LMAN1: variants seen among roughly 807,000 people sequenced by gnomAD.
LMAN1 encodes protein ERGIC-53.
A neutral mutation model predicts 67.8 loss-of-function variants in LMAN1; 32 were observed. The ratio of observed to expected loss-of-function variants is 0.47; its 90% CI spans 0.36 to 0.63. The LOEUF (loss-of-function observed/expected upper bound fraction) is 0.63, where lower values mean the gene tolerates loss of function less well. Ranked by LOEUF, LMAN1 falls within the 30% of genes least tolerant of loss-of-function variation. The pLI is 0.00. For synonymous variants in LMAN1, 235 were observed against 219.3 expected, an observed-to-expected ratio of 1.07 and a Z score of -0.63; for missense variants, 632 against 628.2, an observed-to-expected ratio of 1.01 and a Z score of -0.06.
At chr18:59,347,659 T>C (rs997541986) in intron 6 of LMAN1, 88 bp from the exon 7 acceptor site, 12 of 960,292 alleles carry the variant, frequency 1.2e-5, no homozygotes, top group Admixed American at 9.6e-5. Flanking sequence ...ATTTATTGTT[T>C]TAAATAACAA....
At chr18:59,334,009 GTTGA>G (rs1382970398) in intron 10 of LMAN1, among the ~76,000 whole-genome samples, 1 of 152,176 alleles carries the variant, frequency 6.6e-6, no homozygotes, top group Non-Finnish European at 1.5e-5. Flanking sequence ...AATGTCACGT[GTTGA>G]TTAAAATTTC....
chr18:59,343,735 G>C (rs1908339008), intron 8 of LMAN1, among the ~76,000 whole-genome samples: 1 of 151,954 alleles, frequency 6.6e-6, no homozygotes, highest in Admixed American at 6.6e-5. Flanking sequence ...CTGCATATTG[G>C]CCTAGGTAAA....
intron 10 of LMAN1, among the ~76,000 whole-genome samples, chr18:59,333,947 G>A (rs1206519681): frequency 6.6e-6 from 1 of 152,002 alleles, no homozygotes; most frequent in Non-Finnish European, 1.5e-5. Flanking sequence ...TGAGTTACAT[G>A]AGCAGTGAAG....
chr18:59,352,796 C>T (rs1908572280), intron 5 of LMAN1: 1 of 229,658 alleles, frequency 4.4e-6, no homozygotes, highest in Non-Finnish European at 8.8e-6. Flanking sequence ...ATTTATCACA[C>T]AGCATAGGAA....
chr18:59,353,760 T>A (rs1908597527), intron 4 of LMAN1, among the ~76,000 whole-genome samples: 1 of 152,212 alleles, frequency 6.6e-6, no homozygotes, highest in Non-Finnish European at 1.5e-5. Flanking sequence ...AAATATACAG[T>A]CATCCTTCAA....
chr18:59,357,978 A>AT (rs200818418), intron 1 of LMAN1, among the ~76,000 whole-genome samples: 4,190 of 151,794 alleles, frequency 0.028, 91 homozygotes, highest in Non-Finnish European at 0.043. Context: ...AAAAAAAAAA[A>AT]AAAAAAGATT....
intron 1 of LMAN1, 71 bp from the exon 2 acceptor site, chr18:59,355,729 G>T: frequency 2.0e-6 from 3 of 1,496,950 alleles, no homozygotes; most frequent in Non-Finnish European, 2.8e-6. Flanking sequence ...TTTCCAAACT[G>T]CTAAATATAC....
chr18:59,333,278 A>C, intron 10 of LMAN1, 34 bp from the exon 11 acceptor site: 2 of 1,588,596 alleles, frequency 1.3e-6, no homozygotes. Context: ...CAATAAAATC[A>C]CTATAAAGTT....
At chr18:59,335,204 C>T (rs1014189954) in intron 10 of LMAN1, among the ~76,000 whole-genome samples, 5 of 152,026 alleles carry the variant, frequency 3.3e-5, no homozygotes, top group Admixed American at 6.6e-5. Flanking sequence ...GAGGCCAAGG[C>T]GCGTGGATCA....
chr18:59,333,419 A>C, intron 10 of LMAN1, 175 bp from the exon 11 acceptor site: 5 of 578,924 alleles, frequency 8.6e-6, no homozygotes, highest in East Asian at 3.0e-5. Flanking sequence ...TAATTTATAA[A>C]ACGACATTAT....
Position 59,353,354 on chromosome 18 carries a change from A to G in LMAN1, c.540-53T>C, listed in dbSNP as rs1489773488. On this transcript the variant is annotated intron_variant, in intron 4 of 12. Coordinates refer to ENST00000251047, the MANE Select transcript of LMAN1 (RefSeq NM_005570.4). Reference sequence around the variant, plus strand: ...CAAGACACTCAGCTTTTCAATATTTAAAAATTCAGGAAGACTAAAATAATA... The same window carrying G: ...CAAGACACTCAGCTTTTCAATATTTGAAAATTCAGGAAGACTAAAATAATA... 3.3e-5 allele frequency: 43 copies of G among 1,289,674 alleles called. No homozygotes were observed. The Admixed American group carries it at 7.2e-4, about 22-fold the overall frequency. The allele number at this position is 1,289,674 out of a possible 1,614,324, so 79.9% of individuals were successfully genotyped here. A position where few individuals can be genotyped will look rare whatever the true frequency, so the allele number is the denominator to read the frequency against.
At chr18:59,358,917 G>A (rs1422973205) in intron 1 of LMAN1, 114 bp downstream of exon 1, 1 of 1,061,568 alleles carries the variant, frequency 9.4e-7, no homozygotes, top group Non-Finnish European at 1.4e-6. Flanking sequence ...AGCGCATATG[G>A]TGTGCAGCTG....
intron 8 of LMAN1, among the ~76,000 whole-genome samples, chr18:59,344,979 G>A (rs939098404): frequency 4.6e-5 from 7 of 152,164 alleles, no homozygotes; most frequent in African/African-American, 7.2e-5. Flanking sequence ...AAAATGTTCC[G>A]TGTACTGATC....
rs1200742016 is a variant in LMAN1 at position 59,353,289 on chromosome 18, A to C, written c.552T>G (p.Ser184Arg). 2.5e-6 allele frequency: 4 copies of C among 1,613,884 alleles called. No individual in the cohort carries two copies. The highest frequency in any genetic ancestry group is 3.4e-6 in the Non-Finnish European group (4 of 1,179,772). The change falls in exon 5 of 13, where the codon AGT becomes AGG. Residue 184 changes from serine to arginine, a missense_variant. Physicochemically the swap from Ser to Arg is moderately radical, Grantham distance 110. Coordinates refer to ENST00000251047, the MANE Select transcript of LMAN1 (RefSeq NM_005570.4). Reference sequence around the variant, plus strand: ...CCCTCTGGCAACTTGCCAAAGCTTGACTAGCCCCGTCACTATAGTGTAAGG... The same window carrying C: ...CCCTCTGGCAACTTGCCAAAGCTTGCCTAGCCCCGTCACTATAGTGTAAGG... ...IHYDHQNDGA[S>R]QALASCQRDF...
rs747751844 is a variant in LMAN1 at position 59,355,678 on chromosome 18, A to G, written c.215-20T>C. On this transcript the variant is annotated intron_variant, in intron 1 of 12. Transcript: ENST00000251047. ...TAGCATCTAGAACAGAAATCAGGGG[A>G]AAAAAGCTTTAAGTTATAATTAGGT... 3.1e-6 allele frequency: 5 copies of G among 1,611,028 alleles called. No homozygotes were observed. The South Asian group carries it at 4.4e-5, about 14-fold the overall frequency.
At chr18:59,332,727 A>T (rs980150031) in intron 11 of LMAN1, among the ~76,000 whole-genome samples, 3 of 152,182 alleles carry the variant, frequency 2.0e-5, no homozygotes, top group Non-Finnish European at 4.4e-5. Context: ...AAGGTAAATG[A>T]AGCTAACAAG....
At chr18:59,349,555 G>A (rs1455992516) in intron 5 of LMAN1, among the ~76,000 whole-genome samples, 1 of 152,150 alleles carries the variant, frequency 6.6e-6, no homozygotes, top group Non-Finnish European at 1.5e-5. Context: ...ATGCAGCAGA[G>A]GGATCAGACT....
Position 59,358,952 on chromosome 18 carries a change from AG to A in LMAN1, c.214+78del, listed in dbSNP as rs1489721004. 45 of 1,421,296 alleles carry A rather than the reference AG, an allele frequency of 3.2e-5. No individual in the cohort carries two copies. The East Asian group carries it at 1.0e-3, about 32-fold the overall frequency. 88.0% of individuals were successfully genotyped at this position (1,421,296 alleles called of 1,614,324 possible). A position where few individuals can be genotyped will look rare whatever the true frequency, so the allele number is the denominator to read the frequency against. ...GCTGGAACGGGAACCTCAGCACACC[AG>A]GGTAGCCGCGGATGAAAGGCGAAGA... is the stretch of plus-strand genomic sequence containing the variant. On this transcript the variant is annotated intron_variant, in intron 1 of 12. Transcript: ENST00000251047.
intron 9 of LMAN1, 21 bp from the exon 10 acceptor site, chr18:59,338,648 G>A (rs758334911): frequency 3.4e-5 from 54 of 1,610,610 alleles, no homozygotes; most frequent in Non-Finnish European, 4.1e-5. Context: ...AAACAATGAC[G>A]AGCAAGCTGA....
Sources: allele counts gnomAD v4.1 joint callset (sites outside exome capture counted in the v4.1 genomes callset), GRCh38; gene constraint gnomAD v4.1.1; transcripts MANE v1.5; gene names NCBI Gene and HGNC (gene_info 2026-07-23, HGNC 2026-07-21).